Variants in NAP1L4 observed in about 807,000 individuals in gnomAD.
NAP1L4 encodes nucleosome assembly protein 1-like 4.
In NAP1L4, 15 loss-of-function variants were observed where a neutral mutation model predicts 58.2. The observed-to-expected ratio is 0.26, with a 90% CI of 0.17 to 0.40. NAP1L4 has a LOEUF of 0.40. NAP1L4 is among the 10% of genes least tolerant of loss of function. The probability of loss-of-function intolerance (pLI) is 1.00; values close to 1 mark genes in which losing one functional copy is unlikely to be tolerated. For missense variants in NAP1L4, 384 were observed against 451.1 expected (o/e 0.85, Z 1.35); for synonymous variants, 171 against 155.6 (o/e 1.10, Z -0.74).
At chr11:2,987,653 A>G (rs1202131099) in intron 1 of NAP1L4, among the ~76,000 whole-genome samples, 1 of 143,674 alleles carries the variant, frequency 7.0e-6, no homozygotes, top group Middle Eastern at 3.2e-3. Flanking sequence ...GCTACTTGGG[A>G]GGCTGAGACA....
Position 2,955,646 on chromosome 11 carries a change from C to T in NAP1L4, c.915+98G>A. 8.0e-7 allele frequency: 1 copy of T among 1,252,914 alleles called. No individual in the cohort carries two copies. Among genetic ancestry groups the T allele is most frequent in the Non-Finnish European group, 1.1e-6 (1 of 871,536 alleles). The allele number at this position is 1,252,914 out of a possible 1,614,324, so 77.6% of individuals were successfully genotyped here. On this transcript the variant is annotated intron_variant, in intron 11 of 15. Transcript: ENST00000380542. The surrounding 1 kb of genome is among the most constrained non-coding windows in gnomAD (Gnocchi z 4.2). ...AGATCACTGGCATACCCAGTCCACA[C>T]ACAGCCAGGACTGGACTTTTTTTAA...
At chr11:2,977,885 T>A (rs1304818206) in intron 3 of NAP1L4, among the ~76,000 whole-genome samples, 232 of 116,848 alleles carry the variant, frequency 2.0e-3, no homozygotes, top group Admixed American at 2.7e-3. Flanking sequence ...AAAAAAAAAA[T>A]GGCCAGGAGC....
At chr11:2,977,049 C>T (rs6578304) in intron 3 of NAP1L4, among the ~76,000 whole-genome samples, 67,727 of 152,148 alleles carry the variant, frequency 0.45, 16,200 homozygotes, top group African/African-American at 0.62. Flanking sequence ...TTTAAACATT[C>T]ATAATAGAAC....
chr11:2,973,468 A>G (rs1847766215), intron 4 of NAP1L4, among the ~76,000 whole-genome samples: 1 of 152,118 alleles, frequency 6.6e-6, no homozygotes, highest in Admixed American at 6.6e-5. Context: ...CTTCAAGTCT[A>G]AGCACTTGAC....
intron 3 of NAP1L4, 25 bp downstream of exon 3, chr11:2,978,259 A>C (rs1372029095): frequency 1.9e-6 from 3 of 1,610,024 alleles, no homozygotes; most frequent in South Asian, 1.1e-5. Flanking sequence ...ACTGGATGCA[A>C]ACTCTCCATG....
At chr11:2,956,323 C>A (rs930225677) in intron 10 of NAP1L4, among the ~76,000 whole-genome samples, 1 of 152,168 alleles carries the variant, frequency 6.6e-6, no homozygotes, top group Non-Finnish European at 1.5e-5. Flanking sequence ...GATGCTCAGA[C>A]GAGCTAAGCC....
At position 2,948,281 on chromosome 11, in the gene NAP1L4, T is replaced by C. The variant is rs1268755979; in HGVS notation, c.*32+946A>G. Among the ~76,000 whole-genome samples, 2 of 152,128 alleles carry C rather than the reference T, an allele frequency of 1.3e-5. No homozygotes were observed. The highest frequency in any genetic ancestry group is 6.6e-5 in the Admixed American group (1 of 15,266). ...CTACATGAGGAAGACAGGGAGGCGG[T>C]GGCGCTAAGACCTCAAGGACGTCTG... On this transcript the variant is annotated intron_variant, in intron 15 of 15. Coordinates refer to ENST00000380542, the MANE Select transcript of NAP1L4 (RefSeq NM_005969.4). This position sits in a 1 kb window ranked among gnomAD's most constrained non-coding sequence, Gnocchi z 5.1.
In NAP1L4 at chr11:2,954,536, A is replaced by C. The variant is rs777191441; in HGVS notation, c.1026T>G (p.Asp342Glu). 6.2e-7 allele frequency: 1 copy of C among 1,614,162 alleles called. No individual in the cohort carries two copies. Among genetic ancestry groups the C allele is most frequent in the South Asian group, 1.1e-5 (1 of 91,086 alleles). ...TCCCCGAGCCTCATACATTGTCATCATCTTCTATGGCCTCCCCAGTGAAGT... is the reference window on the plus strand; with the variant it reads ...TCCCCGAGCCTCATACATTGTCATCCTCTTCTATGGCCTCCCCAGTGAAGT... ...VLYFTGEAIE[D>E]DDNFEEGEEG... is the part of the protein sequence containing the mutation. Residue 342 changes from aspartate (D) to glutamate (E), a missense_variant, in exon 12 of 16, where the codon GAT becomes GAG. By Grantham distance (45) the Asp-to-Glu change is conservative (BLOSUM62 2). This residue lies in a region of NAP1L4 where 296 missense variants were observed against 360.8 expected (regional missense o/e 0.82). Transcript: ENST00000380542. This position sits in a 1 kb window ranked among gnomAD's most constrained non-coding sequence, Gnocchi z 4.8.
At chr11:2,963,580 C>T (rs1847079955) in intron 8 of NAP1L4, among the ~76,000 whole-genome samples, 1 of 152,176 alleles carries the variant, frequency 6.6e-6, no homozygotes. Context: ...CATCCACTGC[C>T]CACCCCTGCT....
chr11:2,951,392 G>A lies in NAP1L4; in HGVS notation c.1066-77C>T, dbSNP rs1590218218. ...GGCATTCACAATCCACAAACACAAG[G>A]AGCAAAACACTGCCTTAGATGGAAA... is the stretch of plus-strand genomic sequence containing the variant. On this transcript the variant is annotated intron_variant, in intron 13 of 15. Coordinates refer to ENST00000380542, the MANE Select transcript of NAP1L4 (RefSeq NM_005969.4). The surrounding 1 kb of genome is among the most constrained non-coding windows in gnomAD (Gnocchi z 4.0). 2.4e-6 allele frequency: 3 copies of A among 1,260,070 alleles called. No homozygotes were observed. In the East Asian group the frequency reaches 7.0e-5, roughly 29 times the overall value. 78.1% of individuals were successfully genotyped at this position (1,260,070 alleles called of 1,614,324 possible).
At chr11:2,989,107 C>T (rs1469121956) in intron 1 of NAP1L4, 2 of 152,170 alleles carry the variant, frequency 1.3e-5, no homozygotes, top group Admixed American at 6.5e-5. Context: ...ACTATAGTTT[C>T]GGGAGGCATA....
intron 4 of NAP1L4, 75 bp from the exon 5 acceptor site, chr11:2,972,318 A>C: frequency 7.3e-7 from 1 of 1,378,892 alleles, no homozygotes. Context: ...TTTTATTAAA[A>C]TAAATTTAGG....
At chr11:2,967,636 TAA>T (rs201915692) in intron 7 of NAP1L4, among the ~76,000 whole-genome samples, 1 of 146,232 alleles carries the variant, frequency 6.8e-6, no homozygotes, top group African/African-American at 2.5e-5. Flanking sequence ...AAAATATTGT[TAA>T]AAAAAAAAAT....
At position 2,955,622 on chromosome 11, in the gene NAP1L4, G is replaced by A. The variant is rs1461183043; in HGVS notation, c.915+122C>T. The A allele has an allele frequency of 1.4e-5, 13 of 948,934 alleles. No individual in the cohort carries two copies. In the East Asian group the frequency reaches 3.2e-4, roughly 23 times the overall value. 58.8% of individuals were successfully genotyped at this position (948,934 alleles called of 1,614,324 possible). A position where few individuals can be genotyped will look rare whatever the true frequency, so the allele number is the denominator to read the frequency against. ...CCACCTCAGCCTCCCAAAGCATTAA[G>A]ATCACTGGCATACCCAGTCCACACA... On this transcript the variant is annotated intron_variant, in intron 11 of 15. Coordinates refer to ENST00000380542, the MANE Select transcript of NAP1L4 (RefSeq NM_005969.4). The surrounding 1 kb of genome is among the most constrained non-coding windows in gnomAD (Gnocchi z 4.2).
chr11:2,955,675 G>A lies in NAP1L4; in HGVS notation c.915+69C>T. 1 of 1,483,318 alleles carries A rather than the reference G, an allele frequency of 6.7e-7. No individual in the cohort carries two copies. Among genetic ancestry groups the A allele is most frequent in the Non-Finnish European group, 9.3e-7 (1 of 1,073,784 alleles). The allele number at this position is 1,483,318 out of a possible 1,614,324, so 91.9% of individuals were successfully genotyped here. ...GCCAGGACTGGACTTTTTTTAACAA[G>A]TAGACAAGTAGACATTCACTCAGGA... On this transcript the variant is annotated intron_variant, in intron 11 of 15. Coordinates refer to ENST00000380542, the MANE Select transcript of NAP1L4 (RefSeq NM_005969.4). The surrounding 1 kb of genome is among the most constrained non-coding windows in gnomAD (Gnocchi z 4.2).
chr11:2,962,669 GAAAA>G (rs946856294), intron 8 of NAP1L4, among the ~76,000 whole-genome samples: 1 of 143,530 alleles, frequency 7.0e-6, no homozygotes, highest in Non-Finnish European at 1.5e-5. Context: ...GAAGTAAAAA[GAAAA>G]AAAAAAATTA....
intron 10 of NAP1L4, among the ~76,000 whole-genome samples, chr11:2,956,030 A>C (rs543039679): frequency 1.3e-5 from 2 of 152,222 alleles, no homozygotes; most frequent in African/African-American, 4.8e-5. Flanking sequence ...CAAGCTTGAG[A>C]AGATCATTTT....
chr11:2,976,419 T>C (rs1179401988), intron 3 of NAP1L4, among the ~76,000 whole-genome samples: 2 of 152,198 alleles, frequency 1.3e-5, no homozygotes, highest in Non-Finnish European at 2.9e-5. Context: ...CTTAAACAAC[T>C]GAGGACATCA....
intron 1 of NAP1L4, among the ~76,000 whole-genome samples, chr11:2,984,722 A>C (rs1161573126): frequency 6.6e-6 from 1 of 152,188 alleles, no homozygotes; most frequent in Non-Finnish European, 1.5e-5. Flanking sequence ...TCTGGACCTC[A>C]GTTTCATCAT....
Sources: gnomAD v4.1 joint callset for allele counts (sites outside exome capture counted in the v4.1 genomes callset) on GRCh38, gnomAD v4.1.1 for gene constraint, gnomAD v4.1.1 regional missense constraint, Gnocchi (gnomAD v3.1) non-coding constraint, MANE v1.5 for transcripts, NCBI Gene and HGNC (gene_info 2026-07-23, HGNC 2026-07-21) for gene names.